Variants in NUP210L observed in about 807,000 individuals in gnomAD.
The protein encoded by NUP210L is nucleoporin 210 like, also known as nuclear pore membrane glycoprotein 210-like.
A neutral mutation model predicts 208.5 loss-of-function variants in NUP210L; 74 were observed. The observed-to-expected ratio is 0.35, with a 90% CI of 0.29 to 0.43. The LOEUF (loss-of-function observed/expected upper bound fraction) is 0.43, where lower values mean the gene tolerates loss of function less well. Ranked by LOEUF, NUP210L falls within the 20% of genes least tolerant of loss-of-function variation. NUP210L has a pLI of 1.00. For missense variants in NUP210L, 1,843 were observed against 2,289.4 expected (o/e 0.81, Z 3.98); for synonymous variants, 780 against 816.9 (o/e 0.95, Z 0.77).
chr1:154,060,968 T>C, exon 19 of NUP210L: 1 of 1,612,876 alleles, frequency 6.2e-7, no homozygotes, highest in Non-Finnish European at 8.5e-7. Context: ...TTATAGATGG[T>C]GGCATTCTCA....
intron 7 of NUP210L, among the ~76,000 whole-genome samples, chr1:154,130,609 G>T (rs1182705436): frequency 3.7e-5 from 5 of 134,522 alleles, no homozygotes; most frequent in Admixed American, 1.6e-4. Context: ...TTGAGACAGG[G>T]TCTCACTCTG....
At chr1:154,005,952 C>A (rs1334229010) in intron 35 of NUP210L, among the ~76,000 whole-genome samples, 3 of 151,816 alleles carry the variant, frequency 2.0e-5, no homozygotes, top group Admixed American at 6.6e-5. Flanking sequence ...GAACTCCCGA[C>A]CTCAGGTAAT....
At chr1:154,037,848 C>T (rs756914577) in intron 27 of NUP210L, among the ~76,000 whole-genome samples, 15 of 151,956 alleles carry the variant, frequency 9.9e-5, no homozygotes, top group Non-Finnish European at 1.9e-4. Flanking sequence ...GAACTCCTGG[C>T]CTCAAGTGAT....
At chr1:154,149,275 G>T (rs1035050901) in intron 2 of NUP210L, among the ~76,000 whole-genome samples, 3 of 151,828 alleles carry the variant, frequency 2.0e-5, no homozygotes, top group Non-Finnish European at 4.4e-5. Flanking sequence ...TAGTAGAGAC[G>T]GGGTTTCACC....
chr1:154,016,485 G>C (rs1651254548), intron 33 of NUP210L, among the ~76,000 whole-genome samples: 1 of 151,710 alleles, frequency 6.6e-6, no homozygotes, highest in Admixed American at 6.6e-5. Flanking sequence ...GCAATCCTCT[G>C]ACTTACATCA....
At chr1:154,117,278 A>C (rs1170834794) in intron 12 of NUP210L, among the ~76,000 whole-genome samples, 1 of 152,156 alleles carries the variant, frequency 6.6e-6, no homozygotes, top group Non-Finnish European at 1.5e-5. Flanking sequence ...TTATAGAAAT[A>C]TTTTTAAAAT....
exon 26 of NUP210L, chr1:154,046,304 G>A (rs370789470): frequency 2.5e-4 from 400 of 1,614,078 alleles, no homozygotes; most frequent in Non-Finnish European, 3.3e-4. Flanking sequence ...TAGCTGTGAT[G>A]AGCCGAGTTG....
In NUP210L at chr1:154,018,954, T is replaced by C. The variant is rs755032201; in HGVS notation, c.4632A>G (p.Gly1544=). ...TTACCTCTCGATATGTTTTCACTACTCCTGGGATGTCATGAAAAATCATTG... is the reference window on the plus strand; with the variant it reads ...TTACCTCTCGATATGTTTTCACTACCCCTGGGATGTCATGAAAAATCATTG... Residue 1544 remains glycine (G), a synonymous_variant, in exon 33 of 40, where the codon GGA becomes GGG. Transcript: ENST00000368559. 3.1e-6 allele frequency: 5 copies of C among 1,614,144 alleles called. No homozygotes were observed. The East Asian group carries it at 8.9e-5, about 29-fold the overall frequency.
intron 37 of NUP210L, among the ~76,000 whole-genome samples, chr1:153,997,822 T>C (rs1649985792): frequency 6.6e-6 from 1 of 151,604 alleles, no homozygotes; most frequent in African/African-American, 2.4e-5. Flanking sequence ...CCCGAGTAGC[T>C]GGGATTACAG....
chr1:154,066,378 G>C lies in NUP210L; in HGVS notation c.2554+3895C>G, dbSNP rs181455077. ...CTGTAATCCCAGCACTTTGGAGGCC[G>C]AGGCGGGCGGATCACCAAGTCAGGA... is the stretch of plus-strand genomic sequence containing the variant. On this transcript the variant is annotated intron_variant, in intron 17 of 39. Transcript: ENST00000368559. Among the ~76,000 whole-genome samples the C allele has an allele frequency of 7.5e-4, 114 of 152,292 alleles. 2 individuals carry two copies. The highest frequency in any genetic ancestry group is 2.7e-3 in the African/African-American group (112 of 41,558).
At position 154,027,685 on chromosome 1, in the gene NUP210L, A is replaced by G. The variant is rs550848401; in HGVS notation, c.3856-88T>C. The G allele has an allele frequency of 5.6e-4, 431 of 773,208 alleles. 6 individuals carry two copies. The South Asian group carries it at 7.3e-3, about 13-fold the overall frequency. The allele number at this position is 773,208 out of a possible 1,614,324, so 47.9% of individuals were successfully genotyped here. A position where few individuals can be genotyped will look rare whatever the true frequency, so the allele number is the denominator to read the frequency against. ...TAGACTTCAGTATAATCCCGAAGAG[A>G]TTACATGCAAATAAATGACAACTAC... On this transcript the variant is annotated intron_variant, in intron 28 of 39. Coordinates refer to ENST00000368559, the Ensembl canonical transcript of NUP210L.
At chr1:154,113,577 A>T (rs555827586) in intron 12 of NUP210L, among the ~76,000 whole-genome samples, 37 of 152,290 alleles carry the variant, frequency 2.4e-4, no homozygotes, top group African/African-American at 8.7e-4. Flanking sequence ...CTAATGTATT[A>T]GGCCAGGCGT....
exon 12 of NUP210L, chr1:154,117,780 T>G: frequency 6.2e-7 from 1 of 1,610,252 alleles, no homozygotes; most frequent in South Asian, 1.1e-5. Flanking sequence ...AACAGTACTA[T>G]TCCCCCTGAC....
At chr1:154,030,388 C>T (rs555068361) in intron 27 of NUP210L, among the ~76,000 whole-genome samples, 52 of 152,050 alleles carry the variant, frequency 3.4e-4, no homozygotes, top group Non-Finnish European at 6.6e-4. Flanking sequence ...GCCTCGACCT[C>T]CCGGGCTCCA....
intron 12 of NUP210L, among the ~76,000 whole-genome samples, chr1:154,114,780 G>T (rs879741239): frequency 0.25 from 8,810 of 34,874 alleles, 359 homozygotes; most frequent in African/African-American, 0.44. Context: ...TTAAGAGATG[G>T]GGGGGGGGGT....
chr1:154,015,945 T>A (rs1424809607), intron 33 of NUP210L, among the ~76,000 whole-genome samples: 1 of 144,710 alleles, frequency 6.9e-6, no homozygotes, highest in African/African-American at 2.7e-5. Context: ...AATAAATAAA[T>A]AAATAAATAA....
At chr1:154,035,393 T>C (rs2147951244) in intron 27 of NUP210L, among the ~76,000 whole-genome samples, 1 of 151,896 alleles carries the variant, frequency 6.6e-6, no homozygotes, top group East Asian at 1.9e-4. Flanking sequence ...TTTATTTTAA[T>C]TTTTTCTACT....
exon 17 of NUP210L, chr1:154,070,436 G>A (rs781187320): frequency 6.3e-7 from 1 of 1,599,318 alleles, no homozygotes; most frequent in Non-Finnish European, 8.5e-7. Context: ...CTAGTTCCAG[G>A]ACTGTGTCCC....
chr1:154,058,509 C>G (rs1653985890), intron 21 of NUP210L, 56 bp downstream of exon 21: 2 of 1,577,050 alleles, frequency 1.3e-6, no homozygotes, highest in Non-Finnish European at 1.7e-6. Context: ...TTAAGGAATG[C>G]TGGGTAGTGA....
Sources: allele counts gnomAD v4.1 joint callset (sites outside exome capture counted in the v4.1 genomes callset), GRCh38; gene constraint gnomAD v4.1.1; transcripts MANE v1.5; gene names NCBI Gene and HGNC (gene_info 2026-07-23, HGNC 2026-07-21).